PLCH1: variants seen among roughly 807,000 people sequenced by gnomAD.
PLCH1 encodes the protein phospholipase C eta 1.
Under a neutral mutation model 126.7 loss-of-function variants are expected in PLCH1, and 60 were observed. The observed-to-expected ratio is 0.47, with a 90% CI of 0.38 to 0.59. The LOEUF (loss-of-function observed/expected upper bound fraction) is 0.59, where lower values mean the gene tolerates loss of function less well. Ranked by LOEUF, PLCH1 falls within the 20% of genes least tolerant of loss-of-function variation. PLCH1 has a pLI of 0.00. For synonymous variants in PLCH1, 719 were observed against 734.9 expected, an observed-to-expected ratio of 0.98 and a Z score of 0.35; for missense variants, 1,723 against 2,040.0, an observed-to-expected ratio of 0.84 and a Z score of 2.99.
At chr3:155,527,090 A>G (rs767976679) in intron 10 of PLCH1, among the ~76,000 whole-genome samples, 1 of 152,090 alleles carries the variant, frequency 6.6e-6, no homozygotes, top group South Asian at 2.1e-4. Context: ...TTCTGCTTCA[A>G]TGTCTGGGAC....
rs1714882879 is a variant in PLCH1, at chr3:155,485,349, A to G, written c.2974+7T>C. 1.3e-6 allele frequency: 2 copies of G among 1,576,352 alleles called. No individual in the cohort carries two copies. The highest frequency in any genetic ancestry group is 1.4e-5 in the African/African-American group (1 of 73,976). ...GTTTATTCTCAGAGAAACTTAAAGC[A>G]TCTTACCTAGAGAGTTTTCTTTTCC... On this transcript the variant is annotated splice_region_variant and intron_variant, in intron 22 of 22. Transcript: ENST00000460012.
Position 155,480,088 on chromosome 3 carries a change from G to A in PLCH1, c.*880C>T, listed in dbSNP as rs925778289. 1 of 152,548 alleles carries A rather than the reference G, an allele frequency of 6.6e-6. No individual in the cohort carries two copies. Among genetic ancestry groups the A allele is most frequent in the Admixed American group, 6.5e-5 (1 of 15,282 alleles). 9.4% of individuals were successfully genotyped at this position (152,548 alleles called of 1,614,324 possible). A position where few individuals can be genotyped will look rare whatever the true frequency, so the allele number is the denominator to read the frequency against. On this transcript the variant is annotated 3_prime_UTR_variant, in exon 23 of 23. Coordinates refer to ENST00000460012, the MANE Select transcript of PLCH1 (RefSeq NM_014996.4). ...TTTCTTCTAATTATCTGTTCACTTG[G>A]ATTTTATTATGAGAAAATATTCTGT...
chr3:155,670,102 T>C (rs968609796), intron 2 of PLCH1, among the ~76,000 whole-genome samples: 2 of 152,152 alleles, frequency 1.3e-5, no homozygotes, highest in African/African-American at 2.4e-5. Flanking sequence ...GCTTGTTTTT[T>C]TAAAACAGTC....
rs1230931542 is a variant in PLCH1, at chr3:155,482,271, G to T, written c.3755C>A (p.Ala1252Glu). 1 of 1,614,142 alleles carries T rather than the reference G, an allele frequency of 6.2e-7. No homozygotes were observed. The highest frequency in any genetic ancestry group is 8.5e-7 in the Non-Finnish European group (1 of 1,179,984). The change falls in exon 23 of 23, where the codon GCA (alanine) becomes GAA (glutamate). Residue 1252 changes from alanine (A) to glutamate (E), a missense_variant. Ala to Glu is a moderately radical substitution (Grantham distance 107). Around this residue, in one of 2 missense-constraint regions of PLCH1, gnomAD observed 947 missense variants for 977.1 expected, o/e 0.97. Coordinates refer to ENST00000460012, the MANE Select transcript of PLCH1 (RefSeq NM_014996.4). ...TTTGGTGGTCTCAGAACTCGAGAGT[G>T]CTATCAGCTCCGGAGATGAGCACAG... is the stretch of plus-strand genomic sequence containing the variant. ...SFLCSSPELI[A>E]LSSSETTKHA...
intron 8 of PLCH1, among the ~76,000 whole-genome samples, chr3:155,559,563 T>C (rs973231358): frequency 6.6e-6 from 1 of 152,204 alleles, no homozygotes; most frequent in Non-Finnish European, 1.5e-5. Flanking sequence ...TCAACTTCTA[T>C]TGTCCAGTTA....
chr3:155,624,153 A>G lies in PLCH1; in HGVS notation c.80-27775T>C, dbSNP rs538042935. On this transcript the variant is annotated intron_variant, in intron 2 of 22. Coordinates refer to ENST00000460012, the MANE Select transcript of PLCH1 (RefSeq NM_014996.4). ...AAACAGAACCAATGACAAAAACGAC[A>G]TGATTATCTCAACAGATGCAGAAAA... Among the ~76,000 whole-genome samples, 45 of 152,332 alleles carry G rather than the reference A, an allele frequency of 3.0e-4. No individual in the cohort carries two copies. The Middle Eastern group carries it at 0.01, about 35-fold the overall frequency.
At chr3:155,593,618 A>C (rs1469662293) in intron 4 of PLCH1, among the ~76,000 whole-genome samples, 1 of 152,214 alleles carries the variant, frequency 6.6e-6, no homozygotes, top group Non-Finnish European at 1.5e-5. Context: ...CTATGATTTA[A>C]AAGAGGCAAT....
chr3:155,471,253 C>CA (rs1395834296), intron 21 of PLCH1, among the ~76,000 whole-genome samples: 1 of 151,646 alleles, frequency 6.6e-6, no homozygotes. Context: ...AAATGGAAAA[C>CA]AAAAAAAGGC....
rs754015963 is a variant in PLCH1 at position 155,500,680 on chromosome 3, G to A, written c.1796+23C>T. The A allele has an allele frequency of 6.8e-6, 10 of 1,481,164 alleles. No homozygotes were observed. In the East Asian group the frequency reaches 1.6e-4, roughly 23 times the overall value. 91.8% of individuals were successfully genotyped at this position (1,481,164 alleles called of 1,614,324 possible). The stretch of plus-strand genomic sequence containing the variant: ...GGAGGGGCCTCAGGAGTGTGAGTAG[G>A]AAACATGGAGATGCTTTCTTACCTG... On this transcript the variant is annotated intron_variant, in intron 14 of 22. Coordinates refer to ENST00000460012, the MANE Select transcript of PLCH1 (RefSeq NM_014996.4).
intron 2 of PLCH1, among the ~76,000 whole-genome samples, chr3:155,633,666 A>G (rs1341370973): frequency 6.6e-6 from 1 of 152,216 alleles, no homozygotes; most frequent in African/African-American, 2.4e-5. Context: ...CACGCCTATA[A>G]TGCCAACACT....
chr3:155,737,226 C>T (rs1468218206), intron 1 of PLCH1, among the ~76,000 whole-genome samples: 2 of 20,074 alleles, frequency 1.0e-4, no homozygotes, highest in Non-Finnish European at 2.2e-4. Flanking sequence ...AGCAAGCCTC[C>T]GTCTCAAAAA....
intron 21 of PLCH1, among the ~76,000 whole-genome samples, chr3:155,472,973 T>C (rs1314299045): frequency 3.5e-5 from 5 of 144,832 alleles, no homozygotes; most frequent in Admixed American, 7.0e-5. Context: ...GCCAATATCA[T>C]ACTGAATGGG....
chr3:155,453,527 TA>T (rs1712365248), intron 21 of PLCH1, among the ~76,000 whole-genome samples: 1 of 152,108 alleles, frequency 6.6e-6, no homozygotes, highest in Admixed American at 6.6e-5. Context: ...TTCAAAACAT[TA>T]CTTAAAGTAA....
chr3:155,466,572 T>C (rs1297932862), intron 21 of PLCH1, among the ~76,000 whole-genome samples: 2 of 152,184 alleles, frequency 1.3e-5, no homozygotes, highest in Non-Finnish European at 2.9e-5. Flanking sequence ...GATTTTTCAA[T>C]GCTCAGACAC....
intron 21 of PLCH1, among the ~76,000 whole-genome samples, chr3:155,451,928 C>T (rs1348753976): frequency 2.0e-5 from 3 of 152,176 alleles, no homozygotes; most frequent in African/African-American, 7.2e-5. Flanking sequence ...GTACCATCAG[C>T]TCTTCTGCCG....
chr3:155,571,492 C>T (rs1729225067), intron 6 of PLCH1, among the ~76,000 whole-genome samples: 1 of 152,194 alleles, frequency 6.6e-6, no homozygotes, highest in South Asian at 2.1e-4. Context: ...CCTCTGCTTA[C>T]CGCGTTCAAG....
intron 2 of PLCH1, among the ~76,000 whole-genome samples, chr3:155,624,154 T>C (rs1736918900): frequency 6.6e-6 from 1 of 152,142 alleles, no homozygotes; most frequent in South Asian, 2.1e-4. Context: ...AAAAACGACA[T>C]GATTATCTCA....
At chr3:155,623,829 G>A (rs1736859408) in intron 2 of PLCH1, among the ~76,000 whole-genome samples, 1 of 152,148 alleles carries the variant, frequency 6.6e-6, no homozygotes, top group African/African-American at 2.4e-5. Flanking sequence ...GTACAAAGAG[G>A]AGCTGGTACC....
At chr3:155,489,912 A>G (rs1292327515) in intron 19 of PLCH1, among the ~76,000 whole-genome samples, 2 of 152,196 alleles carry the variant, frequency 1.3e-5, no homozygotes, top group South Asian at 2.1e-4. Flanking sequence ...ACCTCTCTTG[A>G]ATCAGAGAAG....
Sources: gnomAD v4.1 joint callset for allele counts (sites outside exome capture counted in the v4.1 genomes callset) on GRCh38, gnomAD v4.1.1 for gene constraint, gnomAD v4.1.1 regional missense constraint, MANE v1.5 for transcripts, NCBI Gene and HGNC (gene_info 2026-07-23, HGNC 2026-07-21) for gene names.